Variants in MEGF8 observed in about 807,000 individuals in gnomAD.
MEGF8 encodes the protein multiple EGF like domains 8.
MEGF8 carries 156 observed loss-of-function variants against 302.9 expected under a neutral mutation model. The ratio of observed to expected loss-of-function variants is 0.52; its 90% CI spans 0.45 to 0.59. The LOEUF is 0.59. Ranked by LOEUF, MEGF8 falls within the 20% of genes least tolerant of loss-of-function variation. The pLI, the probability that MEGF8 is intolerant of heterozygous loss-of-function variation, is 0.00. For synonymous variants in MEGF8, 1,621 were observed against 1,660.5 expected (o/e 0.98, Z 0.58); for missense variants, 3,345 against 3,964.5 (o/e 0.84, Z 4.20).
At position 42,350,346 on chromosome 19, in the gene MEGF8, C is replaced by G; in HGVS notation, c.2698C>G (p.Leu900Val). 1 of 1,601,120 alleles carries G rather than the reference C, an allele frequency of 6.2e-7. No homozygotes were observed. The highest frequency in any genetic ancestry group is 8.5e-7 in the Non-Finnish European group (1 of 1,176,050). The stretch of plus-strand genomic sequence containing the variant: ...GGTGCTGGTGCCTACCCTCTGCCCA[C>G]TCTGCGAGGAGCATCGGGACTGCCA... Reference protein sequence around the residue: ...LLVLVPTLCPLCEEHRDCHAC... With the variant: ...LLVLVPTLCPVCEEHRDCHAC... Residue 900 changes from leucine to valine, a missense_variant, in exon 15 of 42, where the codon CTC becomes GTC. By Grantham distance (32) the Leu-to-Val change is conservative. Coordinates refer to ENST00000251268, the MANE Select transcript of MEGF8 (RefSeq NM_001271938.2).
At chr19:42,361,653 G>A (rs963662932) in intron 32 of MEGF8, among the ~76,000 whole-genome samples, 4 of 152,180 alleles carry the variant, frequency 2.6e-5, no homozygotes, top group Non-Finnish European at 5.9e-5. Flanking sequence ...TTTGGGGTAA[G>A]GGATTGTGGA....
chr19:42,372,931 C>G (rs76894012), intron 41 of MEGF8, among the ~76,000 whole-genome samples: 4 of 152,084 alleles, frequency 2.6e-5, no homozygotes, highest in South Asian at 2.1e-4. Context: ...CCTTGGCCCC[C>G]CAAAGTGCTG....
rs1367329019 is a variant in MEGF8, at chr19:42,351,712, AGCCACGAGTGTGGCTGGTGTGG to A, written c.3053_3074del (p.Ser1018ThrfsTer68). ...CCTGACCTGCCATGAGTGTCTGCAGAGCCACGAGTGTGGCTGGTGTGGCAATGAGGACAACCCCACACTGGGA... is the reference window on the plus strand; with the variant it reads ...CCTGACCTGCCATGAGTGTCTGCAGACAATGAGGACAACCCCACACTGGGA... On this transcript the variant is annotated frameshift_variant, in exon 18 of 42. Coordinates refer to ENST00000251268, the MANE Select transcript of MEGF8 (RefSeq NM_001271938.2). LOFTEE classifies it high-confidence loss of function. The surrounding 1 kb of genome is among the most constrained non-coding windows in gnomAD (Gnocchi z 5.6). The A allele has an allele frequency of 6.3e-7, 1 of 1,595,836 alleles. No homozygotes were observed. The highest frequency in any genetic ancestry group is 1.1e-5 in the South Asian group (1 of 87,778).
chr19:42,351,764 GA>G lies in MEGF8; in HGVS notation c.3101+4del. The G allele has an allele frequency of 6.4e-7, 1 of 1,567,818 alleles. No homozygotes were observed. Among genetic ancestry groups the G allele is most frequent in the Non-Finnish European group, 8.6e-7 (1 of 1,156,992 alleles). On this transcript the variant is annotated splice_donor_region_variant and intron_variant, in intron 18 of 41. Transcript: ENST00000251268. The surrounding 1 kb of genome is among the most constrained non-coding windows in gnomAD (Gnocchi z 5.6). ...GAGGACAACCCCACACTGGGACGGT[GA>G]GCCCGGGCAGGTGGGTGGGCAGGGT...
At chr19:42,345,836 T>A (rs1600036011) in intron 12 of MEGF8, among the ~76,000 whole-genome samples, 3 of 152,382 alleles carry the variant, frequency 2.0e-5, no homozygotes, top group Admixed American at 2.0e-4. Flanking sequence ...GGGTTATATG[T>A]TAATTCCATA....
chr19:42,326,049 A>T lies in MEGF8; in HGVS notation c.-195A>T. 2.2e-6 allele frequency: 2 copies of T among 896,084 alleles called. No homozygotes were observed. The highest frequency in any genetic ancestry group is 3.1e-6 in the Non-Finnish European group (2 of 644,906). 55.5% of individuals were successfully genotyped at this position (896,084 alleles called of 1,614,324 possible). On this transcript the variant is annotated 5_prime_UTR_variant, in exon 1 of 42. Coordinates refer to ENST00000251268, the MANE Select transcript of MEGF8 (RefSeq NM_001271938.2). ...GGCCTTCCATCGCTCTATAGGGCTC[A>T]GCCCTCGGCTTCCAGAGCCTGTCAG...
Position 42,359,252 on chromosome 19 carries a change from C to A in MEGF8, c.5488+10C>A. On this transcript the variant is annotated intron_variant, in intron 31 of 41. Transcript: ENST00000251268. ...CTGCCCGACCTCACCCGTAAGTCCC[C>A]ATTGTGGCTCCCAGGAGGCTGAGGG... 6.5e-7 allele frequency: 1 copy of A among 1,543,034 alleles called. No homozygotes were observed. The highest frequency in any genetic ancestry group is 1.4e-5 in the African/African-American group (1 of 72,336).
rs1295710722 is a variant in MEGF8, at chr19:42,377,623, C to G, written c.*848C>G. Reference sequence around the variant, plus strand: ...CCAATATGGTGAAACCCCATGTCTACTAAAAATACAAAAATTAGCTGGGCA... The same window carrying G: ...CCAATATGGTGAAACCCCATGTCTAGTAAAAATACAAAAATTAGCTGGGCA... On this transcript the variant is annotated 3_prime_UTR_variant, in exon 42 of 42. Coordinates refer to ENST00000251268, the MANE Select transcript of MEGF8 (RefSeq NM_001271938.2). 1.3e-5 allele frequency: 2 copies of G among 152,200 alleles called. No individual in the cohort carries two copies. Among genetic ancestry groups the G allele is most frequent in the African/African-American group, 4.8e-5 (2 of 41,396 alleles). 9.4% of individuals were successfully genotyped at this position (152,200 alleles called of 1,614,324 possible).
At chr19:42,338,801 CT>C (rs113443328) in intron 8 of MEGF8, among the ~76,000 whole-genome samples, 1,943 of 54,316 alleles carry the variant, frequency 0.036, 21 homozygotes, top group Non-Finnish European at 0.059. Flanking sequence ...ACCACATTTT[CT>C]TTTTTTTTTT....
Position 42,354,130 on chromosome 19 carries a change from TTG to T in MEGF8, c.4011+108_4011+109del. 3 of 1,388,840 alleles carry T rather than the reference TTG, an allele frequency of 2.2e-6. No individual in the cohort carries two copies. Among genetic ancestry groups the T allele is most frequent in the Non-Finnish European group, 2.8e-6 (3 of 1,055,740 alleles). The allele number at this position is 1,388,840 out of a possible 1,614,324, so 86.0% of individuals were successfully genotyped here. On this transcript the variant is annotated intron_variant, in intron 22 of 41. Coordinates refer to ENST00000251268, the MANE Select transcript of MEGF8 (RefSeq NM_001271938.2). The surrounding 1 kb of genome is among the most constrained non-coding windows in gnomAD (Gnocchi z 4.3). ...CCCTAGTATTGCTGTTTTTTTTTTT[TTG>T]TTTTTTTAATCCTTCAAAACCCAAA...
intron 12 of MEGF8, among the ~76,000 whole-genome samples, chr19:42,347,654 G>A (rs1439126612): frequency 2.0e-5 from 3 of 151,944 alleles, no homozygotes; most frequent in African/African-American, 4.8e-5. Flanking sequence ...TACCACTCCC[G>A]GCTAATTTTT....
At chr19:42,346,984 CAAAAAAAAAAA>C (rs767117534) in intron 12 of MEGF8, among the ~76,000 whole-genome samples, 5 of 49,816 alleles carry the variant, frequency 1.0e-4, no homozygotes, top group Admixed American at 8.1e-4. Flanking sequence ...GACTCTGTCT[CAAAAAAAAAAA>C]AAAAAAAAAA....
rs1411920397 is a variant in MEGF8 at position 42,370,708 on chromosome 19, A to G, written c.7013A>G (p.Asn2338Ser). The G allele has an allele frequency of 6.3e-7, 1 of 1,593,050 alleles. No individual in the cohort carries two copies. The highest frequency in any genetic ancestry group is 1.1e-5 in the South Asian group (1 of 87,374). ...KYSLDPEEIENWVTEGPSEDE... is the reference protein window; with the variant it reads ...KYSLDPEEIESWVTEGPSEDE... ...CTGTCCTTCCTTGGCCAGATTGAAAACTGGGTGACAGAGGGTCCTAGTGAA... is the reference window on the plus strand; with the variant it reads ...CTGTCCTTCCTTGGCCAGATTGAAAGCTGGGTGACAGAGGGTCCTAGTGAA... The change falls in exon 40 of 42, where the codon AAC becomes AGC. Residue 2338 changes from asparagine to serine, a missense_variant. Coordinates refer to ENST00000251268, the MANE Select transcript of MEGF8 (RefSeq NM_001271938.2).
chr19:42,348,906 T>C (rs1445636688), intron 13 of MEGF8, among the ~76,000 whole-genome samples: 1 of 152,170 alleles, frequency 6.6e-6, no homozygotes, highest in African/African-American at 2.4e-5. Context: ...TGGCTGGGAA[T>C]GGATCTTTCG....
chr19:42,345,760 G>A (rs2147466739), intron 12 of MEGF8, among the ~76,000 whole-genome samples: 1 of 152,318 alleles, frequency 6.6e-6, no homozygotes, highest in East Asian at 1.9e-4. Flanking sequence ...GAGCACTTGT[G>A]TACACGTTTT....
Position 42,349,596 on chromosome 19 carries a change from A to G in MEGF8, c.2396A>G (p.His799Arg). 1 of 1,611,886 alleles carries G rather than the reference A, an allele frequency of 6.2e-7. No individual in the cohort carries two copies. The highest frequency in any genetic ancestry group is 8.5e-7 in the Non-Finnish European group (1 of 1,179,812). The change falls in exon 14 of 42, where the codon CAC (histidine) becomes CGC (arginine). Residue 799 changes from histidine to arginine, a missense_variant. By Grantham distance (29) the His-to-Arg change is conservative. Coordinates refer to ENST00000251268, the MANE Select transcript of MEGF8 (RefSeq NM_001271938.2). ...ARLFPLPGRD[H>R]KYAVEIQGQL... ...CTCTTCCCTCTGCCTGGGCGGGACC[A>G]CAAGTATGCAGTAGAGATCCAGGGC...
chr19:42,336,687 G>C lies in MEGF8; in HGVS notation c.1245-120G>C. The C allele has an allele frequency of 7.1e-7, 1 of 1,405,110 alleles. No homozygotes were observed. The highest frequency in any genetic ancestry group is 1.5e-5 in the South Asian group (1 of 66,544). 87.0% of individuals were successfully genotyped at this position (1,405,110 alleles called of 1,614,324 possible). On this transcript the variant is annotated intron_variant, in intron 6 of 41. Transcript: ENST00000251268. The surrounding 1 kb of genome is among the most constrained non-coding windows in gnomAD (Gnocchi z 4.8). ...CCCACAGGGAACTTCTAGTTTGGAG[G>C]GGACATAGAGTCAGTCATGGCCAGT...
At position 42,344,376 on chromosome 19, in the gene MEGF8, C is replaced by A; in HGVS notation, c.1789-65C>A. ...CCATCGCAGGACCCTGTATCCACAGCCCTTCCTTCCCAGATCTCTTGAGCT... is the reference window on the plus strand; with the variant it reads ...CCATCGCAGGACCCTGTATCCACAGACCTTCCTTCCCAGATCTCTTGAGCT... On this transcript the variant is annotated intron_variant, in intron 10 of 41. Transcript: ENST00000251268. This position sits in a 1 kb window ranked among gnomAD's most constrained non-coding sequence, Gnocchi z 4.5. 6.6e-7 allele frequency: 1 copy of A among 1,515,550 alleles called. No homozygotes were observed. The allele number at this position is 1,515,550 out of a possible 1,614,324, so 93.9% of individuals were successfully genotyped here.
At chr19:42,371,312 G>A (rs1364416639) in intron 40 of MEGF8, 38 bp from the exon 41 acceptor site, 1 of 1,609,734 alleles carries the variant, frequency 6.2e-7, no homozygotes, top group Non-Finnish European at 8.5e-7. Context: ...GACCACTGCA[G>A]GCCATGGGGG....
Sources: gnomAD v4.1 joint callset for allele counts (sites outside exome capture counted in the v4.1 genomes callset) on GRCh38, gnomAD v4.1.1 for gene constraint, Gnocchi (gnomAD v3.1) non-coding constraint, MANE v1.5 for transcripts, NCBI Gene and HGNC (gene_info 2026-07-23, HGNC 2026-07-21) for gene names.